ALPK1: variants seen among roughly 807,000 people sequenced by gnomAD.
ALPK1 encodes the protein alpha-protein kinase 1.
ALPK1 carries 110 observed loss-of-function variants against 120.6 expected under a neutral mutation model. That is an observed-to-expected ratio of 0.91 (90% confidence interval 0.78 to 1.07). ALPK1 has a LOEUF of 1.07. Ranked by LOEUF, ALPK1 falls within the 50% of genes least tolerant of loss-of-function variation. ALPK1 has a pLI of 0.00. For missense variants in ALPK1, 1,498 were observed against 1,483.9 expected, an observed-to-expected ratio of 1.01 and a Z score of -0.16; for synonymous variants, 582 against 560.3, an observed-to-expected ratio of 1.04 and a Z score of -0.55.
chr4:112,322,618 G>A (rs761031492), intron 2 of ALPK1, among the ~76,000 whole-genome samples: 1 of 152,154 alleles, frequency 6.6e-6, no homozygotes, highest in Admixed American at 6.5e-5. Context: ...AAATTATAGT[G>A]AGGAAGACAG....
At chr4:112,352,236 G>A (rs1335880314) in intron 2 of ALPK1, among the ~76,000 whole-genome samples, 1 of 152,188 alleles carries the variant, frequency 6.6e-6, no homozygotes, top group Non-Finnish European at 1.5e-5. Context: ...CATGGAACAT[G>A]ATGAATACCC....
chr4:112,414,237 A>G (rs776183945), intron 5 of ALPK1: 3 of 483,290 alleles, frequency 6.2e-6, no homozygotes, highest in Non-Finnish European at 1.2e-5. Context: ...TATCCATCTG[A>G]TCCAGCGCTT....
chr4:112,332,690 A>G (rs560245972), intron 2 of ALPK1, among the ~76,000 whole-genome samples: 10 of 152,350 alleles, frequency 6.6e-5, no homozygotes, highest in Middle Eastern at 3.4e-3. Context: ...AAATAAATAC[A>G]GGATGAATGC....
chr4:112,408,794 G>C (rs1350250666), intron 4 of ALPK1, among the ~76,000 whole-genome samples: 1 of 152,066 alleles, frequency 6.6e-6, no homozygotes, highest in Non-Finnish European at 1.5e-5. Flanking sequence ...TTCTCATTTT[G>C]AAACTTGCAT....
intron 2 of ALPK1, among the ~76,000 whole-genome samples, chr4:112,364,949 CA>C (rs1358085786): frequency 6.6e-6 from 1 of 152,076 alleles, no homozygotes; most frequent in African/African-American, 2.4e-5. Flanking sequence ...GAACTAAAAA[CA>C]AAAATCACAT....
In ALPK1 at chr4:112,432,115, A is replaced by C. The variant is rs142768294; in HGVS notation, c.2568A>C (p.Gln856His). 6.2e-7 allele frequency: 1 copy of C among 1,614,194 alleles called. No homozygotes were observed. Among genetic ancestry groups the C allele is most frequent in the East Asian group, 2.2e-5 (1 of 44,886 alleles). The part of the protein sequence containing the change: ...PDASTVDEEG[Q>H]LLDSMDVPCT... Reference sequence around the variant, plus strand: ...CCTCCACAGTGGATGAGGAGGGGCAACTGCTCGACAGCATGGATGTTCCCT... The same window carrying C: ...CCTCCACAGTGGATGAGGAGGGGCACCTGCTCGACAGCATGGATGTTCCCT... The change falls in exon 11 of 16, where the codon CAA becomes CAC. Residue 856 changes from glutamine (Q) to histidine (H), a missense_variant. Physicochemically the swap from Gln to His is conservative, Grantham distance 24. Transcript: ENST00000650871.
rs112948098 is a variant in ALPK1, at chr4:112,300,466, C to A, written c.-153+2997C>A. ...ATAATATATAGTAAATAAAACTATG[C>A]AGCTTTGGAAGATAAAAGTTTTTCC... On this transcript the variant is annotated intron_variant, in intron 1 of 15. Coordinates refer to ENST00000650871, the MANE Select transcript of ALPK1 (RefSeq NM_025144.4). Among the ~76,000 whole-genome samples the A allele has an allele frequency of 2.8e-3, 423 of 151,862 alleles. 6 individuals are homozygous for A. The highest frequency in any genetic ancestry group is 0.011 in the Admixed American group (165 of 15,260).
intron 2 of ALPK1, among the ~76,000 whole-genome samples, chr4:112,372,883 A>G: frequency 6.6e-6 from 1 of 152,188 alleles, no homozygotes; most frequent in Non-Finnish European, 1.5e-5. Context: ...CACTAAGAAA[A>G]CATAAGCCTT....
intron 4 of ALPK1, among the ~76,000 whole-genome samples, chr4:112,395,070 C>T (rs1239727234): frequency 6.6e-6 from 1 of 152,148 alleles, no homozygotes; most frequent in Non-Finnish European, 1.5e-5. Flanking sequence ...CCTTTGTATG[C>T]AACAAACGTC....
intron 2 of ALPK1, chr4:112,353,015 G>T (rs1730434770): frequency 7.9e-6 from 1 of 126,804 alleles, no homozygotes. Flanking sequence ...CTGTCACCCA[G>T]GCTGAACTGG....
intron 2 of ALPK1, among the ~76,000 whole-genome samples, chr4:112,337,024 T>C (rs1406565282): frequency 1.3e-5 from 2 of 152,156 alleles, no homozygotes; most frequent in African/African-American, 4.8e-5. Context: ...TTGTACATCA[T>C]AGTTTATTAT....
chr4:112,374,477 T>C (rs1376669832), intron 2 of ALPK1, among the ~76,000 whole-genome samples: 1 of 152,224 alleles, frequency 6.6e-6, no homozygotes, highest in Non-Finnish European at 1.5e-5. Context: ...TTCCTGTTAA[T>C]GTGGATATTT....
chr4:112,321,163 C>A (rs1728853675), intron 2 of ALPK1, among the ~76,000 whole-genome samples: 1 of 151,998 alleles, frequency 6.6e-6, no homozygotes, highest in Non-Finnish European at 1.5e-5. Flanking sequence ...TCCCAAAGTG[C>A]TAGGATTACA....
intron 1 of ALPK1, among the ~76,000 whole-genome samples, chr4:112,303,395 T>C (rs1727875641): frequency 6.6e-6 from 1 of 152,220 alleles, no homozygotes; most frequent in African/African-American, 2.4e-5. Context: ...GCACTAAAAT[T>C]CACCCCAAAT....
chr4:112,297,907 A>G (rs1270815685), intron 1 of ALPK1, among the ~76,000 whole-genome samples: 1 of 152,160 alleles, frequency 6.6e-6, no homozygotes, highest in African/African-American at 2.4e-5. Flanking sequence ...AGAAACTACC[A>G]CTTTTATGAC....
At chr4:112,331,684 T>C (rs1358084508) in intron 2 of ALPK1, among the ~76,000 whole-genome samples, 1 of 152,218 alleles carries the variant, frequency 6.6e-6, no homozygotes, top group Non-Finnish European at 1.5e-5. Flanking sequence ...CATAGAGAAA[T>C]TCCCATTACA....
At chr4:112,387,643 G>T (rs912827839) in intron 4 of ALPK1, among the ~76,000 whole-genome samples, 3 of 152,138 alleles carry the variant, frequency 2.0e-5, no homozygotes, top group Non-Finnish European at 4.4e-5. Flanking sequence ...TTTTTGGAAA[G>T]TGTCTGTGGT....
chr4:112,358,238 T>C, intron 2 of ALPK1: 1 of 589,154 alleles, frequency 1.7e-6, no homozygotes, highest in Non-Finnish European at 3.2e-6. Flanking sequence ...CAGGGTTGCC[T>C]TTGCAGACGC....
Position 112,438,610 on chromosome 4 carries a change from C to T in ALPK1, c.3315C>T (p.Pro1105=). The T allele has an allele frequency of 3.1e-6, 5 of 1,613,844 alleles. No individual in the cohort carries two copies. The highest frequency in any genetic ancestry group is 4.2e-6 in the Non-Finnish European group (5 of 1,179,790). The part of the protein sequence containing the change: ...FNKRLYEQNI[P]TQIFYIPSTI... ...AGAGACTCTATGAACAAAACATTCCCACCCAGATATTCTACATCCCATCCA... is the reference window on the plus strand; with the variant it reads ...AGAGACTCTATGAACAAAACATTCCTACCCAGATATTCTACATCCCATCCA... The change falls in exon 13 of 16, where the codon CCC becomes CCT. Residue 1105 remains proline (P), a synonymous_variant. Transcript: ENST00000650871.
Sources: gnomAD v4.1 joint callset for allele counts (sites outside exome capture counted in the v4.1 genomes callset) on GRCh38, gnomAD v4.1.1 for gene constraint, MANE v1.5 for transcripts, NCBI Gene and HGNC (gene_info 2026-07-23, HGNC 2026-07-21) for gene names.